Variants in KCNC2 observed in about 807,000 individuals in gnomAD.
KCNC2 encodes potassium voltage-gated channel subfamily C member 2, also known as voltage-gated potassium channel KCNC2.
Under a neutral mutation model 44.5 loss-of-function variants are expected in KCNC2, and 21 were observed. The observed-to-expected ratio is 0.47, with a 90% CI of 0.33 to 0.68. KCNC2 has a LOEUF of 0.68. KCNC2 is among the 30% of genes least tolerant of loss of function. The pLI, the probability that KCNC2 is intolerant of heterozygous loss-of-function variation, is 0.01. For synonymous variants in KCNC2, 391 were observed against 339.1 expected (o/e 1.15, Z -1.68); for missense variants, 589 against 826.2 (o/e 0.71, Z 3.52).
At chr12:75,048,113 G>T (rs1460615371) in intron 4 of KCNC2, 40 bp downstream of exon 4, 1 of 1,572,354 alleles carries the variant, frequency 6.4e-7, no homozygotes, top group Non-Finnish European at 8.7e-7. Flanking sequence ...ACAGTTTATT[G>T]CTAAGTCACC....
chr12:75,043,041 T>C lies in KCNC2; in HGVS notation c.*64A>G, dbSNP rs1880087160. 1 of 1,595,162 alleles carries C rather than the reference T, an allele frequency of 6.3e-7. No individual in the cohort carries two copies. Among genetic ancestry groups the C allele is most frequent in the Admixed American group, 1.7e-5 (1 of 57,324 alleles). On this transcript the variant is annotated 3_prime_UTR_variant, in exon 5 of 5. Coordinates refer to ENST00000549446, the MANE Select transcript of KCNC2 (RefSeq NM_139137.4). ...GTAACTCTACATTTAATTATTTCCA[T>C]TATGGGGTAAACAGCACTTGAATTA... is the stretch of plus-strand genomic sequence containing the variant.
chr12:75,107,281 G>A (rs2137214427), intron 2 of KCNC2, among the ~76,000 whole-genome samples: 1 of 152,126 alleles, frequency 6.6e-6, no homozygotes, highest in South Asian at 2.1e-4. Context: ...TCCAGCCTGG[G>A]TGACAGAGGG....
At chr12:75,202,660 G>T (rs2031379173) in intron 2 of KCNC2, among the ~76,000 whole-genome samples, 1 of 151,670 alleles carries the variant, frequency 6.6e-6, no homozygotes, top group Admixed American at 6.6e-5. Flanking sequence ...GAGCCTGTAA[G>T]TCATTGTGAA....
intron 2 of KCNC2, among the ~76,000 whole-genome samples, chr12:75,167,336 A>C (rs1487510100): frequency 6.6e-6 from 1 of 151,330 alleles, no homozygotes; most frequent in Non-Finnish European, 1.5e-5. Flanking sequence ...GTAAAATAAA[A>C]TTACTTTTGT....
chr12:75,077,988 C>A (rs1884152346), intron 2 of KCNC2, among the ~76,000 whole-genome samples: 1 of 151,814 alleles, frequency 6.6e-6, no homozygotes, highest in African/African-American at 2.4e-5. Flanking sequence ...GTCACATTTC[C>A]CTTTCTACCT....
Position 75,053,319 on chromosome 12 carries a change from A to G in KCNC2, c.688-2002T>C, listed in dbSNP as rs1400152624. On this transcript the variant is annotated intron_variant, in intron 2 of 4. Transcript: ENST00000549446. Reference sequence around the variant, plus strand: ...TACTTTAGACTGAAGCATTTCAGGCATTTACAGACTCAGAAGAATCTTCCT... The same window carrying G: ...TACTTTAGACTGAAGCATTTCAGGCGTTTACAGACTCAGAAGAATCTTCCT... Among the ~76,000 whole-genome samples, 4 of 152,206 alleles carry G rather than the reference A, an allele frequency of 2.6e-5. No individual in the cohort carries two copies. In the South Asian group the frequency reaches 8.3e-4, roughly 32 times the overall value.
At chr12:75,161,049 A>C (rs1380632693) in intron 2 of KCNC2, among the ~76,000 whole-genome samples, 1 of 145,322 alleles carries the variant, frequency 6.9e-6, no homozygotes, top group Non-Finnish European at 1.5e-5. Flanking sequence ...GTGAGGTGTA[A>C]ACCTACATAT....
chr12:75,165,767 A>G (rs540589642), intron 2 of KCNC2, among the ~76,000 whole-genome samples: 92 of 151,604 alleles, frequency 6.1e-4, no homozygotes, highest in African/African-American at 2.0e-3. Context: ...ATAGATGTTG[A>G]TATCTATGTA....
intron 2 of KCNC2, among the ~76,000 whole-genome samples, chr12:75,157,206 A>G (rs964077238): frequency 2.0e-5 from 3 of 151,988 alleles, no homozygotes; most frequent in Non-Finnish European, 2.9e-5. Flanking sequence ...TAAGAAAGTA[A>G]ATGAAATTCA....
intron 2 of KCNC2, among the ~76,000 whole-genome samples, chr12:75,187,753 C>G (rs920125595): frequency 6.6e-6 from 1 of 152,128 alleles, no homozygotes; most frequent in African/African-American, 2.4e-5. Flanking sequence ...AATAACCCGA[C>G]GACTATAAAT....
intron 3 of KCNC2, 54 bp from the exon 4 acceptor site, chr12:75,048,371 A>G: frequency 6.8e-7 from 1 of 1,475,576 alleles, no homozygotes; most frequent in Non-Finnish European, 9.2e-7. Flanking sequence ...GAAATGAGAC[A>G]GTACAAAGAG....
In KCNC2 at chr12:75,207,770, G is replaced by A; in HGVS notation, c.214C>T (p.Pro72Ser). ...CCCTCGAAGCAGCCGCCTGGCCCGG[G>A]GGACAGCGGGGGCGCTCTCGGCGGC... Reference protein sequence around the residue: ...SPPPRAPPLSPGPGGCFEGGA... With the variant: ...SPPPRAPPLSSGPGGCFEGGA... The change falls in exon 2 of 5, where the codon CCC becomes TCC. Residue 72 changes from proline to serine, a missense_variant. This residue lies in a region of KCNC2 where 148 missense variants were observed against 140.1 expected (regional missense o/e 1.06). Transcript: ENST00000549446. This position sits in a 1 kb window ranked among gnomAD's most constrained non-coding sequence, Gnocchi z 4.1. 2 of 1,576,094 alleles carry A rather than the reference G, an allele frequency of 1.3e-6. No homozygotes were observed. Among genetic ancestry groups the A allele is most frequent in the Non-Finnish European group, 1.7e-6 (2 of 1,162,216 alleles).
At chr12:75,084,275 A>AGAT (rs1565840323) in intron 2 of KCNC2, among the ~76,000 whole-genome samples, 2 of 130,412 alleles carry the variant, frequency 1.5e-5, no homozygotes, top group African/African-American at 3.1e-5. Flanking sequence ...TAGATTAGAT[A>AGAT]GATAGATAGA....
chr12:75,101,838 C>G (rs1171382651), intron 2 of KCNC2, among the ~76,000 whole-genome samples: 1 of 151,944 alleles, frequency 6.6e-6, no homozygotes, highest in African/African-American at 2.4e-5. Context: ...ATTTAGCAAG[C>G]CTTGAAATTG....
intron 2 of KCNC2, among the ~76,000 whole-genome samples, chr12:75,175,992 G>A (rs1697291380): frequency 6.6e-6 from 1 of 152,026 alleles, no homozygotes; most frequent in South Asian, 2.1e-4. Context: ...TTAACTGGAT[G>A]TACTATATTT....
intron 2 of KCNC2, among the ~76,000 whole-genome samples, chr12:75,111,312 T>C (rs1887220505): frequency 6.6e-6 from 1 of 152,116 alleles, no homozygotes; most frequent in South Asian, 2.1e-4. Flanking sequence ...ACATTAAGTT[T>C]TCTGTTTTTC....
intron 4 of KCNC2, among the ~76,000 whole-genome samples, chr12:75,046,047 T>A: frequency 6.6e-6 from 1 of 151,738 alleles, no homozygotes; most frequent in East Asian, 1.9e-4. Flanking sequence ...GTGATAGATA[T>A]GATAAGATAA....
intron 2 of KCNC2, among the ~76,000 whole-genome samples, chr12:75,185,056 T>C (rs529816705): frequency 6.6e-6 from 1 of 152,300 alleles, no homozygotes; most frequent in South Asian, 2.1e-4. Context: ...TTTAAAATGA[T>C]AGTAGACTTT....
chr12:75,067,909 G>A (rs752354336), intron 2 of KCNC2, among the ~76,000 whole-genome samples: 82 of 151,334 alleles, frequency 5.4e-4, no homozygotes, highest in African/African-American at 1.8e-3. Context: ...TATGTTCTCC[G>A]TCTTGTGCAT....
Sources: allele counts gnomAD v4.1 joint callset (sites outside exome capture counted in the v4.1 genomes callset), GRCh38; gene constraint gnomAD v4.1.1; regional missense constraint gnomAD v4.1.1; non-coding constraint Gnocchi (gnomAD v3.1); transcripts MANE v1.5; gene names NCBI Gene and HGNC (gene_info 2026-07-23, HGNC 2026-07-21).